FCAR: variants seen among roughly 807,000 people sequenced by gnomAD.
FCAR encodes the protein immunoglobulin alpha Fc receptor.
In FCAR, 21 loss-of-function variants were observed where a neutral mutation model predicts 27.1. That is an observed-to-expected ratio of 0.77 (90% CI 0.55 to 1.11). The LOEUF is 1.11. Among genes scored for constraint, FCAR ranks in the 50% most tolerant of loss-of-function variants. The pLI is 0.00. For missense variants in FCAR, 404 were observed against 358.4 expected (o/e 1.13, Z -1.03); for synonymous variants, 134 against 135.8 (o/e 0.99, Z 0.09).
intron 2 of FCAR, among the ~76,000 whole-genome samples, chr19:54,884,206 G>A (rs1601931745): frequency 6.6e-6 from 1 of 152,324 alleles, no homozygotes; most frequent in African/African-American, 2.4e-5. Context: ...GTGGAGTAAC[G>A]GCAGGTGGAG....
chr19:54,885,586 A>G (rs1434559231), intron 3 of FCAR, 61 bp downstream of exon 3: 6 of 1,297,958 alleles, frequency 4.6e-6, no homozygotes, highest in Non-Finnish European at 5.3e-6. Flanking sequence ...TTAATAGAGT[A>G]TTTTTCAAGA....
At chr19:54,883,465 C>T (rs2066531889) in intron 2 of FCAR, among the ~76,000 whole-genome samples, 1 of 152,130 alleles carries the variant, frequency 6.6e-6, no homozygotes, top group South Asian at 2.1e-4. Flanking sequence ...GGCAGACAGG[C>T]TGTATCCTTC....
chr19:54,879,230 T>C (rs2066277935), intron 2 of FCAR, among the ~76,000 whole-genome samples: 2 of 152,200 alleles, frequency 1.3e-5, no homozygotes, highest in South Asian at 4.1e-4. Context: ...GGACAATTAG[T>C]CCATTTACAT....
In FCAR at chr19:54,885,437, C is replaced by A; in HGVS notation, c.273C>A (p.Asp91Glu). 6.2e-7 allele frequency: 1 copy of A among 1,613,750 alleles called. No individual in the cohort carries two copies. The highest frequency in any genetic ancestry group is 8.5e-7 in the Non-Finnish European group (1 of 1,179,798). Reference protein sequence around the residue: ...TDPEFVIDHMDANKAGRYQCQ... With the variant: ...TDPEFVIDHMEANKAGRYQCQ... ...CTGAGTTCGTCATTGACCACATGGA[C>A]GCAAACAAGGCAGGGCGCTATCAGT... is the stretch of plus-strand genomic sequence containing the variant. Residue 91 changes from aspartate to glutamate, a missense_variant, in exon 3 of 5, where the codon GAC (aspartate) becomes GAA (glutamate). By Grantham distance (45) the Asp-to-Glu change is conservative (BLOSUM62 2). Coordinates refer to ENST00000355524, the MANE Select transcript of FCAR (RefSeq NM_002000.4).
intron 2 of FCAR, among the ~76,000 whole-genome samples, chr19:54,876,755 T>TA: frequency 6.6e-6 from 1 of 152,176 alleles, no homozygotes; most frequent in South Asian, 2.1e-4. Flanking sequence ...TCGTCTATAC[T>TA]AAAAAACACA....
At chr19:54,883,246 G>A (rs1256220816) in intron 2 of FCAR, among the ~76,000 whole-genome samples, 2 of 151,594 alleles carry the variant, frequency 1.3e-5, no homozygotes, top group African/African-American at 4.9e-5. Flanking sequence ...CAAACTCCTG[G>A]GCTCAAGCAA....
rs779689519 is a variant in FCAR, at chr19:54,888,228, G to A, written c.583G>A (p.Gly195Ser). The A allele has an allele frequency of 2.7e-5, 43 of 1,614,008 alleles. 1 individual carries two copies. Among genetic ancestry groups the A allele is most frequent in the East Asian group, 8.9e-5 (4 of 44,890 alleles). ...TGTCTCAGGGATCTACAGGTGCTAC[G>A]GTTGGTACAACAGGAGCCCCTACCT... ...LNVSGIYRCYGWYNRSPYLWS... is the reference protein window; with the variant it reads ...LNVSGIYRCYSWYNRSPYLWS... Residue 195 changes from glycine (G) to serine (S), a missense_variant, in exon 4 of 5, where the codon GGT becomes AGT. Transcript: ENST00000355524.
chr19:54,889,722 C>T lies in FCAR; in HGVS notation c.723C>T (p.Leu241=). ...TGGCAGGACTGGTCCTCGTGGCTCT[C>T]TTGGCCATACTGGTTGAAAATTGGC... ...MAVAGLVLVA[L]LAILVENWHS... Residue 241 remains leucine, a synonymous_variant, in exon 5 of 5, where the codon CTC becomes CTT. Transcript: ENST00000355524. 1 of 1,614,126 alleles carries T rather than the reference C, an allele frequency of 6.2e-7. No homozygotes were observed. The highest frequency in any genetic ancestry group is 8.5e-7 in the Non-Finnish European group (1 of 1,180,014).
Position 54,889,946 on chromosome 19 carries a change from C to A in FCAR, c.*83C>A. 2 of 1,012,310 alleles carry A rather than the reference C, an allele frequency of 2.0e-6. No homozygotes were observed. Among genetic ancestry groups the A allele is most frequent in the Non-Finnish European group, 3.0e-6 (2 of 677,262 alleles). The allele number at this position is 1,012,310 out of a possible 1,614,324, so 62.7% of individuals were successfully genotyped here. A position where few individuals can be genotyped will look rare whatever the true frequency, so the allele number is the denominator to read the frequency against. On this transcript the variant is annotated 3_prime_UTR_variant, in exon 5 of 5. Transcript: ENST00000355524. ...GAAGGACACAAGAGAGAAAAGCTCA[C>A]TAAGAAGCTTGAATCTACTTTTTTT...
chr19:54,888,659 T>C (rs901167389), intron 4 of FCAR: 27 of 590,788 alleles, frequency 4.6e-5, no homozygotes, highest in Non-Finnish European at 5.6e-5. Flanking sequence ...GCAATTCTCC[T>C]GCCTCAGCCT....
intron 2 of FCAR, among the ~76,000 whole-genome samples, chr19:54,878,009 A>G (rs4806604): frequency 0.85 from 128,532 of 150,980 alleles, 54,997 homozygotes; most frequent in East Asian, 1. Flanking sequence ...TCCGCCTCCC[A>G]GGTTCACACC....
rs587686730 is a variant in FCAR at position 54,888,296 on chromosome 19, T to C, written c.649+2T>C. 2.0e-4 allele frequency: 317 copies of C among 1,613,662 alleles called. 8 individuals carry two copies. In the South Asian group the frequency reaches 3.1e-3, roughly 16 times the overall value. On this transcript the variant is annotated splice_donor_variant, in intron 4 of 4. Coordinates refer to ENST00000355524, the MANE Select transcript of FCAR (RefSeq NM_002000.4). LOFTEE classifies it high-confidence loss of function. ...ATGCCTTGGAGCTTGTGGTCACAGG[T>C]AGGTACCGCCCAGTCCAGCCCTGTG...
Position 54,885,247 on chromosome 19 carries a change from T to C in FCAR, c.83T>C (p.Met28Thr). 6.2e-7 allele frequency: 1 copy of C among 1,612,942 alleles called. No individual in the cohort carries two copies. The highest frequency in any genetic ancestry group is 1.1e-5 in the South Asian group (1 of 91,056). Residue 28 changes from methionine (M) to threonine (T), a missense_variant, in exon 3 of 5, where the codon ATG becomes ACG. Physicochemically the swap from Met to Thr is moderately conservative, Grantham distance 81. Coordinates refer to ENST00000355524, the MANE Select transcript of FCAR (RefSeq NM_002000.4). The stretch of plus-strand genomic sequence containing the variant: ...TCTTTTCTTCCAGGGGACTTTCCCA[T>C]GCCTTTCATATCTGCCAAATCGAGT... ...RIQAQEGDFP[M>T]PFISAKSSPV...
At chr19:54,877,642 T>C (rs4806603) in intron 2 of FCAR, among the ~76,000 whole-genome samples, 43,106 of 151,922 alleles carry the variant, frequency 0.28, 6,240 homozygotes, top group South Asian at 0.39. Flanking sequence ...AGCTTTGGGG[T>C]TGATTTCCTC....
chr19:54,888,665 A>G (rs2066894217), intron 4 of FCAR: 5 of 583,250 alleles, frequency 8.6e-6, no homozygotes, highest in Non-Finnish European at 1.1e-5. Context: ...CTCCTGCCTC[A>G]GCCTCCTGAG....
rs746768907 is a variant in FCAR, at chr19:54,875,368, A to G, written c.70+3A>G. Reference sequence around the variant, plus strand: ...CCAGAGGATTCAGGCACAGGAAGGTAAGTGTCCTGTAAATCTCTCCCAGCC... The same window carrying G: ...CCAGAGGATTCAGGCACAGGAAGGTGAGTGTCCTGTAAATCTCTCCCAGCC... On this transcript the variant is annotated splice_donor_region_variant and intron_variant, in intron 2 of 4. Transcript: ENST00000355524. The G allele has an allele frequency of 5.0e-6, 8 of 1,612,800 alleles. No individual in the cohort carries two copies. Among genetic ancestry groups the G allele is most frequent in the Non-Finnish European group, 5.9e-6 (7 of 1,178,988 alleles).
At chr19:54,879,308 G>A (rs1205573557) in intron 2 of FCAR, among the ~76,000 whole-genome samples, 1 of 152,156 alleles carries the variant, frequency 6.6e-6, no homozygotes, top group East Asian at 1.9e-4. Flanking sequence ...TGGTTATTAT[G>A]CAGACTTGTT....
At chr19:54,886,337 C>T (rs587767761) in intron 3 of FCAR, among the ~76,000 whole-genome samples, 32 of 126,716 alleles carry the variant, frequency 2.5e-4, no homozygotes, top group South Asian at 1.3e-3. Flanking sequence ...GATGGAGTCC[C>T]GCTGTGTTGC....
intron 3 of FCAR, among the ~76,000 whole-genome samples, chr19:54,886,222 TG>T (rs756724268): frequency 3.4e-5 from 5 of 146,210 alleles, no homozygotes; most frequent in East Asian, 4.2e-4. Flanking sequence ...CACTCCAGGC[TG>T]GGCGACAGGG....
Sources: allele counts gnomAD v4.1 joint callset (sites outside exome capture counted in the v4.1 genomes callset), GRCh38; gene constraint gnomAD v4.1.1; transcripts MANE v1.5; gene names NCBI Gene and HGNC (gene_info 2026-07-23, HGNC 2026-07-21).